Variants in SLC14A2 observed in about 807,000 individuals in gnomAD.
SLC14A2 encodes the protein urea transporter 2.
Under a neutral mutation model 104.6 loss-of-function variants are expected in SLC14A2, and 91 were observed. The ratio of observed to expected loss-of-function variants is 0.87; its 90% CI spans 0.73 to 1.04. The LOEUF is 1.04. Ranked by LOEUF, SLC14A2 falls within the 50% of genes least tolerant of loss-of-function variation. SLC14A2 has a pLI of 0.00. For missense variants in SLC14A2, 1,189 were observed against 1,156.0 expected, an observed-to-expected ratio of 1.03 and a Z score of -0.41; for synonymous variants, 476 against 466.4, an observed-to-expected ratio of 1.02 and a Z score of -0.27.
chr18:45,541,146 C>T (rs1460115167), intron 2 of SLC14A2, among the ~76,000 whole-genome samples: 2 of 126,264 alleles, frequency 1.6e-5, no homozygotes, highest in African/African-American at 5.3e-5. Flanking sequence ...TTGTGCCCCT[C>T]AACAACAGGA....
the SLC14A2 span, among the ~76,000 whole-genome samples, chr18:45,192,638 T>A: frequency 2.8e-5 from 4 of 142,582 alleles, no homozygotes; most frequent in Admixed American, 1.4e-4. Flanking sequence ...GTGTGTGTGG[T>A]TTTTTTTTGT....
the SLC14A2 span, among the ~76,000 whole-genome samples, chr18:45,192,340 T>G: frequency 6.6e-6 from 1 of 152,238 alleles, no homozygotes; most frequent in Non-Finnish European, 1.5e-5. Flanking sequence ...TATATGGTTG[T>G]TACCACTTCT....
chr18:45,175,068 T>A, the SLC14A2 span, among the ~76,000 whole-genome samples: 417 of 152,256 alleles, frequency 2.7e-3, 4 homozygotes, highest in African/African-American at 9.5e-3. Flanking sequence ...TTTGGTGATA[T>A]CTGTCAAAAT....
At chr18:45,284,833 A>G (rs2084797630) in intron 1 of SLC14A2, among the ~76,000 whole-genome samples, 1 of 152,204 alleles carries the variant, frequency 6.6e-6, no homozygotes, top group Non-Finnish European at 1.5e-5. Flanking sequence ...TGGAATGCAA[A>G]TGGGAATGAT....
intron 19 of SLC14A2, 68 bp from the exon 20 acceptor site, chr18:45,682,251 G>T: frequency 7.1e-7 from 1 of 1,402,010 alleles, no homozygotes; most frequent in South Asian, 1.2e-5. Context: ...GTAGGTGATT[G>T]ATAAGGGCTG....
intron 2 of SLC14A2, among the ~76,000 whole-genome samples, chr18:45,505,570 G>A (rs781688513): frequency 3.3e-5 from 5 of 152,068 alleles, no homozygotes; most frequent in Non-Finnish European, 7.4e-5. Context: ...CCCAGAAACA[G>A]CCAATGTGCT....
At chr18:45,591,037 C>T (rs934892404) in intron 2 of SLC14A2, among the ~76,000 whole-genome samples, 2 of 152,138 alleles carry the variant, frequency 1.3e-5, no homozygotes, top group Non-Finnish European at 2.9e-5. Flanking sequence ...CCACCACCCT[C>T]CCCACTCCCA....
At chr18:45,377,926 A>G (rs1049608559) in intron 1 of SLC14A2, among the ~76,000 whole-genome samples, 30 of 152,172 alleles carry the variant, frequency 2.0e-4, no homozygotes, top group Admixed American at 4.6e-4. Flanking sequence ...GGATCTCTCC[A>G]AGGAAATCTC....
chr18:45,485,134 C>T (rs568994007), intron 2 of SLC14A2: 1 of 152,266 alleles, frequency 6.6e-6, no homozygotes, highest in South Asian at 2.1e-4. Context: ...ATGATCATAT[C>T]TATTTTATAG....
At chr18:45,581,401 G>T (rs2044490330) in intron 2 of SLC14A2, among the ~76,000 whole-genome samples, 1 of 152,186 alleles carries the variant, frequency 6.6e-6, no homozygotes. Context: ...CGTGGAGCCA[G>T]GAGAGTCCAG....
intron 1 of SLC14A2, among the ~76,000 whole-genome samples, chr18:45,244,289 T>C (rs1445782831): frequency 6.6e-6 from 1 of 152,088 alleles, no homozygotes; most frequent in Non-Finnish European, 1.5e-5. Flanking sequence ...GTTTTAGACA[T>C]GTCTATGAAT....
At chr18:45,235,813 G>GTATA (rs71177672) in intron 1 of SLC14A2, among the ~76,000 whole-genome samples, 7 of 93,464 alleles carry the variant, frequency 7.5e-5, no homozygotes, top group Admixed American at 2.3e-4. Flanking sequence ...GTGTGTGTGT[G>GTATA]TATATATATA....
intron 2 of SLC14A2, among the ~76,000 whole-genome samples, chr18:45,509,385 C>T (rs949538379): frequency 3.9e-5 from 6 of 152,086 alleles, no homozygotes; most frequent in Non-Finnish European, 7.3e-5. Flanking sequence ...TTTTCTCTCT[C>T]GCTACCTCTG....
chr18:45,195,002 G>A, the SLC14A2 span, among the ~76,000 whole-genome samples: 4 of 151,996 alleles, frequency 2.6e-5, no homozygotes, highest in Admixed American at 6.5e-5. Context: ...GGCTTCAGGC[G>A]TGAATGGGCA....
intron 1 of SLC14A2, among the ~76,000 whole-genome samples, chr18:45,469,490 C>T (rs1049905401): frequency 6.6e-6 from 1 of 152,146 alleles, no homozygotes; most frequent in Non-Finnish European, 1.5e-5. Flanking sequence ...AAATGAAAAA[C>T]AATAGGGAAC....
intron 2 of SLC14A2, among the ~76,000 whole-genome samples, chr18:45,567,529 C>T (rs2044283813): frequency 6.6e-6 from 1 of 152,096 alleles, no homozygotes; most frequent in African/African-American, 2.4e-5. Flanking sequence ...GGGAAAGAGT[C>T]AGAGTGTCCT....
chr18:45,420,466 G>T (rs750314539), intron 1 of SLC14A2, among the ~76,000 whole-genome samples: 5 of 152,148 alleles, frequency 3.3e-5, no homozygotes, highest in Admixed American at 2.6e-4. Context: ...ATGTCTTGGA[G>T]GTTAAGTATC....
chr18:45,430,990 G>A (rs920057382), intron 1 of SLC14A2, among the ~76,000 whole-genome samples: 1 of 152,062 alleles, frequency 6.6e-6, no homozygotes, highest in Non-Finnish European at 1.5e-5. Flanking sequence ...TAGAGGAGAA[G>A]GAAATGTGCA....
intron 2 of SLC14A2, among the ~76,000 whole-genome samples, chr18:45,554,756 A>G (rs1354632056): frequency 1.3e-5 from 2 of 152,172 alleles, no homozygotes; most frequent in African/African-American, 4.8e-5. Context: ...ACCAGTTCCA[A>G]GGAGAAGAGG....
Sources: gnomAD v4.1 joint callset for allele counts (sites outside exome capture counted in the v4.1 genomes callset) on GRCh38, gnomAD v4.1.1 for gene constraint, MANE v1.5 for transcripts, NCBI Gene and HGNC (gene_info 2026-07-23, HGNC 2026-07-21) for gene names.